CD70: variants seen among roughly 807,000 people sequenced by gnomAD.
The protein encoded by CD70 is CD70 molecule, also known as CD70 antigen.
CD70 carries 6 observed loss-of-function variants against 9.0 expected under a neutral mutation model. That is an observed-to-expected ratio of 0.67 (90% CI 0.37 to 1.32). The LOEUF is 1.32. Among genes scored for constraint, CD70 ranks in the 40% most tolerant of loss-of-function variants. The probability of loss-of-function intolerance (pLI) is 0.02; values close to 1 mark genes in which losing one functional copy is unlikely to be tolerated. For missense variants in CD70, 235 were observed against 258.7 expected, an observed-to-expected ratio of 0.91 and a Z score of 0.63; for synonymous variants, 108 against 112.3, an observed-to-expected ratio of 0.96 and a Z score of 0.24.
At chr19:6,589,044 AG>A in intron 2 of CD70, among the ~76,000 whole-genome samples, 1 of 152,170 alleles carries the variant, frequency 6.6e-6, no homozygotes, top group South Asian at 2.1e-4. Flanking sequence ...AAGGACTGAG[AG>A]GGAAAGGGAG....
downstream of CD70, chr19:6,583,407 A>C (rs759973397): frequency 4.3e-6 from 3 of 701,566 alleles, no homozygotes; most frequent in Admixed American, 4.0e-5. Context: ...GGGATAAAAC[A>C]GTGTGCAGTC....
chr19:6,590,051 TTCTC>T lies in CD70; in HGVS notation c.196+48_196+51del. ...CACTTGTCTTTCTACCTCTCCTTCC[TTCTC>T]TCTCTGTGCCTCTTCTTCTCCCCGT... is the stretch of plus-strand genomic sequence containing the variant. On this transcript the variant is annotated intron_variant, in intron 2 of 2. Transcript: ENST00000245903. This position sits in a 1 kb window ranked among gnomAD's most constrained non-coding sequence, Gnocchi z 5.3. 1 of 1,487,122 alleles carries T rather than the reference TTCTC, an allele frequency of 6.7e-7. No homozygotes were observed. The highest frequency in any genetic ancestry group is 9.3e-7 in the Non-Finnish European group (1 of 1,073,196). The allele number at this position is 1,487,122 out of a possible 1,614,324, so 92.1% of individuals were successfully genotyped here.
At position 6,585,854 on chromosome 19, in the gene CD70, T is replaced by G; in HGVS notation, c.*166A>C. 1.8e-6 allele frequency: 1 copy of G among 570,016 alleles called. No homozygotes were observed. Among genetic ancestry groups the G allele is most frequent in the Non-Finnish European group, 3.1e-6 (1 of 325,708 alleles). The allele number at this position is 570,016 out of a possible 1,614,324, so 35.3% of individuals were successfully genotyped here. A position where few individuals can be genotyped will look rare whatever the true frequency, so the allele number is the denominator to read the frequency against. Reference sequence around the variant, plus strand: ...GAAGCCCAGCTGATTTTTGTATTTTTTAATAGGAAAATGAAAGAAAAAGCT... The same window carrying G: ...GAAGCCCAGCTGATTTTTGTATTTTGTAATAGGAAAATGAAAGAAAAAGCT... On this transcript the variant is annotated 3_prime_UTR_variant, in exon 3 of 3. Coordinates refer to ENST00000245903, the MANE Select transcript of CD70 (RefSeq NM_001252.5).
At chr19:6,586,477 AAGTC>A in intron 2 of CD70, 72 bp from the exon 3 acceptor site, 1 of 1,450,718 alleles carries the variant, frequency 6.9e-7, no homozygotes, top group Non-Finnish European at 9.3e-7. Context: ...GTCATAGAGA[AAGTC>A]AGATATAGAG....
chr19:6,591,015 C>T lies in CD70; in HGVS notation c.-13G>A. 1 of 1,586,694 alleles carries T rather than the reference C, an allele frequency of 6.3e-7. No individual in the cohort carries two copies. The highest frequency in any genetic ancestry group is 8.6e-7 in the Non-Finnish European group (1 of 1,163,322). ...CCTCCTCCGGCATCGCCGCGGCGAT[C>T]ACCTCCGCTAGCGCAGGAGGGGCGA... is the stretch of plus-strand genomic sequence containing the variant. On this transcript the variant is annotated 5_prime_UTR_variant, in exon 1 of 3. Coordinates refer to ENST00000245903, the MANE Select transcript of CD70 (RefSeq NM_001252.5).
At chr19:6,582,255 C>T (rs1023549885), downstream of CD70, among the ~76,000 whole-genome samples, 5 of 150,966 alleles carry the variant, frequency 3.3e-5, no homozygotes, top group Non-Finnish European at 7.4e-5. Flanking sequence ...AGGCTGGTCT[C>T]GAACTCTTCA....
Position 6,590,617 on chromosome 19 carries a change from G to A in CD70, c.162+224C>T, listed in dbSNP as rs1916135869. ...GCCGAGTCATCTTCCATTTCCATGT[G>A]TGCCTACCTTTCCCATCCCGGGATC... On this transcript the variant is annotated intron_variant, in intron 1 of 2. Transcript: ENST00000245903. This position sits in a 1 kb window ranked among gnomAD's most constrained non-coding sequence, Gnocchi z 5.3. Among the ~76,000 whole-genome samples, 1 of 152,130 alleles carries A rather than the reference G, an allele frequency of 6.6e-6. No homozygotes were observed. Among genetic ancestry groups the A allele is most frequent in the African/African-American group, 2.4e-5 (1 of 41,426 alleles).
chr19:6,584,648 G>A (rs994008694), downstream of CD70, among the ~76,000 whole-genome samples: 11 of 149,174 alleles, frequency 7.4e-5, no homozygotes, highest in Admixed American at 1.3e-4. Flanking sequence ...TCGGCATTTC[G>A]GGAGATTGGA....
At chr19:6,589,973 C>A in intron 2 of CD70, 130 bp downstream of exon 2, 1 of 677,560 alleles carries the variant, frequency 1.5e-6, no homozygotes, top group Non-Finnish European at 2.6e-6. Context: ...CCCTATCTCT[C>A]CCTCCCTCTC....
Position 6,590,956 on chromosome 19 carries a change from C to T in CD70, c.47G>A (p.Gly16Glu). Residue 16 changes from glycine to glutamate, a missense_variant, in exon 1 of 3, where the codon GGG (glycine) becomes GAG (glutamate). Gly to Glu is a moderately conservative substitution (Grantham distance 98, BLOSUM62 -2). Transcript: ENST00000245903. The surrounding 1 kb of genome is among the most constrained non-coding windows in gnomAD (Gnocchi z 5.3). ...GACCAAAGCAGCCCGCAGGACGCACCCATAGGGCCTGCGCCGCACCGAGCA... is the reference window on the plus strand; with the variant it reads ...GACCAAAGCAGCCCGCAGGACGCACTCATAGGGCCTGCGCCGCACCGAGCA... ...SGCSVRRRPY[G>E]CVLRAALVPL... 6.2e-7 allele frequency: 1 copy of T among 1,613,834 alleles called. No homozygotes were observed. Among genetic ancestry groups the T allele is most frequent in the Non-Finnish European group, 8.5e-7 (1 of 1,179,876 alleles).
At position 6,590,857 on chromosome 19, in the gene CD70, G is replaced by C. The variant is rs139425055; in HGVS notation, c.146C>G (p.Pro49Arg). The change falls in exon 1 of 3, where the codon CCG becomes CGG. Residue 49 changes from proline (P) to arginine (R), a missense_variant. Pro to Arg is a moderately radical substitution (Grantham distance 103). Coordinates refer to ENST00000245903, the MANE Select transcript of CD70 (RefSeq NM_001252.5). This position sits in a 1 kb window ranked among gnomAD's most constrained non-coding sequence, Gnocchi z 5.3. ...QRFAQAQQQL[P>R]LESLGWDVAE... ...TCAACTCACCCCAAGTGACTCGAGC[G>C]GCAGCTGCTGCTGAGCCTGTGCGAA... 1.2e-6 allele frequency: 2 copies of C among 1,612,856 alleles called. No homozygotes were observed. The highest frequency in any genetic ancestry group is 2.2e-5 in the South Asian group (2 of 90,948).
In CD70 at chr19:6,586,096, G is replaced by A. The variant is rs750486802; in HGVS notation, c.506C>T (p.Thr169Ile). The A allele has an allele frequency of 3.7e-6, 6 of 1,614,064 alleles. No homozygotes were observed. The highest frequency in any genetic ancestry group is 5.1e-6 in the Non-Finnish European group (6 of 1,179,926). ...TPLARGDTLC[T>I]NLTGTLLPSR... ...AGGCAAAAGTGTCCCAGTGAGGTTGGTGCAGAGTGTGTCCCCTCGGGCCAG... is the reference window on the plus strand; with the variant it reads ...AGGCAAAAGTGTCCCAGTGAGGTTGATGCAGAGTGTGTCCCCTCGGGCCAG... Residue 169 changes from threonine (T) to isoleucine (I), a missense_variant, in exon 3 of 3, where the codon ACC becomes ATC. By Grantham distance (89) the Thr-to-Ile change is moderately conservative. Coordinates refer to ENST00000245903, the MANE Select transcript of CD70 (RefSeq NM_001252.5).
rs962586087 is a variant in CD70 at position 6,590,433 on chromosome 19, C to A, written c.163-297G>T. The stretch of plus-strand genomic sequence containing the variant: ...AGCACCGCGCGCAGCGGACTCTCTA[C>A]GCTGCAAAGGCGCCCGGCGCGGTCC... On this transcript the variant is annotated intron_variant, in intron 1 of 2. Coordinates refer to ENST00000245903, the MANE Select transcript of CD70 (RefSeq NM_001252.5). The surrounding 1 kb of genome is among the most constrained non-coding windows in gnomAD (Gnocchi z 5.3). Among the ~76,000 whole-genome samples the A allele has an allele frequency of 5.9e-5, 9 of 152,328 alleles. No individual in the cohort carries two copies. The highest frequency in any genetic ancestry group is 3.4e-3 in the Middle Eastern group (1 of 294).
In CD70 at chr19:6,589,334, C is replaced by T. The variant is rs182440132; in HGVS notation, c.196+769G>A. 1.4e-3 allele frequency among the ~76,000 whole-genome samples: 204 copies of T among 148,126 alleles called. 3 individuals are homozygous for T. Among genetic ancestry groups the T allele is most frequent in the African/African-American group, 4.9e-3 (198 of 40,132 alleles). ...CTCTCACCTCCCTCCCTCTCTCCTT[C>T]CTTCCTTCTTCTCTTTCTTTTCCTT... On this transcript the variant is annotated intron_variant, in intron 2 of 2. Transcript: ENST00000245903.
In CD70 at chr19:6,586,199, G is replaced by A. The variant is rs1471544641; in HGVS notation, c.403C>T (p.Pro135Ser). ...AGCAGGCTGATGCTACGGGAGGCGG[G>A]AGAGCAGATTCCCACGGCCAGGGTG... ...PTTLAVGICS[P>S]ASRSISLLRL... is the part of the protein sequence containing the mutation. The change falls in exon 3 of 3, where the codon CCC becomes TCC. Residue 135 changes from proline to serine, a missense_variant. Transcript: ENST00000245903. 1 of 1,614,180 alleles carries A rather than the reference G, an allele frequency of 6.2e-7. No homozygotes were observed. The highest frequency in any genetic ancestry group is 8.5e-7 in the Non-Finnish European group (1 of 1,180,024).
chr19:6,589,790 C>T (rs1916111981), intron 2 of CD70, among the ~76,000 whole-genome samples: 1 of 151,394 alleles, frequency 6.6e-6, no homozygotes, highest in African/African-American at 2.4e-5. Context: ...GTCTCCCTCC[C>T]TCCCTCTTCC....
intron 2 of CD70, among the ~76,000 whole-genome samples, chr19:6,587,889 T>A (rs535154876): frequency 1.3e-5 from 2 of 152,048 alleles, no homozygotes; most frequent in South Asian, 4.2e-4. Context: ...AAAATTTTGT[T>A]CTAGAGATGG....
At chr19:6,588,037 C>T (rs191844300) in intron 2 of CD70, among the ~76,000 whole-genome samples, 2 of 152,260 alleles carry the variant, frequency 1.3e-5, no homozygotes, top group South Asian at 2.1e-4. Context: ...TTCATCTCAG[C>T]GTCTCCTGTC....
downstream of CD70, among the ~76,000 whole-genome samples, chr19:6,585,301 T>C (rs1000117334): frequency 2.6e-5 from 4 of 152,084 alleles, no homozygotes; most frequent in African/African-American, 9.7e-5. Context: ...AAGTGATCTT[T>C]GTGTTTCCTC....
Sources: gnomAD v4.1 joint callset for allele counts (sites outside exome capture counted in the v4.1 genomes callset) on GRCh38, gnomAD v4.1.1 for gene constraint, Gnocchi (gnomAD v3.1) non-coding constraint, MANE v1.5 for transcripts, NCBI Gene and HGNC (gene_info 2026-07-23, HGNC 2026-07-21) for gene names.